Variants in SURF2 observed in about 807,000 individuals in gnomAD.
SURF2 encodes the protein surfeit 2.
In SURF2, 32 loss-of-function variants were observed where a neutral mutation model predicts 26.2. That is an observed-to-expected ratio of 1.22 (90% CI 0.92 to 1.64). The LOEUF is 1.64. Ranked by LOEUF, SURF2 falls within the 40% of genes most tolerant of loss-of-function variation. The pLI is 0.00. For synonymous variants in SURF2, 173 were observed against 139.1 expected, an observed-to-expected ratio of 1.24 and a Z score of -1.71; for missense variants, 415 against 341.6, an observed-to-expected ratio of 1.21 and a Z score of -1.69.
chr9:133,358,085 G>C (rs2130038321), intron 3 of SURF2, among the ~76,000 whole-genome samples: 2 of 152,296 alleles, frequency 1.3e-5, no homozygotes, highest in East Asian at 3.9e-4. Context: ...TGTGGGGTGG[G>C]CTTGCGGAGA....
In SURF2 at chr9:133,356,551, T is replaced by C. The variant is rs2130027788; in HGVS notation, c.-42T>C. 4.3e-5 allele frequency: 65 copies of C among 1,501,192 alleles called. 3 individuals are homozygous for C. In the South Asian group the frequency reaches 7.9e-4, roughly 18 times the overall value. The allele number at this position is 1,501,192 out of a possible 1,614,324, so 93.0% of individuals were successfully genotyped here. ...GAGCCCCGCCCCCGGCTCCAGGTTC[T>C]GCGAGCGGCTTCCGCCGGGCTGCTC... On this transcript the variant is annotated 5_prime_UTR_variant, in exon 1 of 6. Transcript: ENST00000371964.
intron 3 of SURF2, among the ~76,000 whole-genome samples, chr9:133,359,457 C>G (rs1836693473): frequency 6.6e-6 from 1 of 152,220 alleles, no homozygotes. Context: ...CCATGGAAGC[C>G]TTGTCCCAAC....
Position 133,356,949 on chromosome 9 carries a change from C to A in SURF2, c.114C>A (p.Cys38Ter). Residue 38 changes from cysteine (C) to a stop codon, truncating the protein, a stop_gained, in exon 2 of 6, where the codon TGC becomes TGA. Coordinates refer to ENST00000371964, the MANE Select transcript of SURF2 (RefSeq NM_017503.5). LOFTEE classifies it high-confidence loss of function. ...RCILTGHELPCRLPELQVYTR... is the reference protein window; with the variant it reads ...RCILTGHELP The stretch of plus-strand genomic sequence containing the variant: ...TCCTGACAGGTCACGAGCTGCCCTG[C>A]CGCCTGCCGGAGCTCCAGGTCTACA... The A allele has an allele frequency of 2.6e-6, 4 of 1,566,970 alleles. No individual in the cohort carries two copies. The highest frequency in any genetic ancestry group is 1.2e-5 in the South Asian group (1 of 85,400).
At chr9:133,360,809 T>C (rs1836753965) in intron 5 of SURF2, among the ~76,000 whole-genome samples, 1 of 152,226 alleles carries the variant, frequency 6.6e-6, no homozygotes, top group Non-Finnish European at 1.5e-5. Flanking sequence ...CTTTGGTAGA[T>C]AAGCAGGACC....
At position 133,359,951 on chromosome 9, in the gene SURF2, T is replaced by C. The variant is rs1402766730; in HGVS notation, c.339T>C (p.Tyr113=). Residue 113 remains tyrosine (Y), a splice_region_variant and synonymous_variant, in exon 4 of 6, where the codon TAT becomes TAC. Coordinates refer to ENST00000371964, the MANE Select transcript of SURF2 (RefSeq NM_017503.5). ...GRRYQRALCK[Y]EECQKQGVEY... is the part of the protein sequence containing the mutation. ...AGCACGTGCTGGCTTATCTCCCAGA[T>C]GAAGAATGTCAGAAGCAAGGGGTGG... 1 of 1,607,720 alleles carries C rather than the reference T, an allele frequency of 6.2e-7. No individual in the cohort carries two copies. The highest frequency in any genetic ancestry group is 2.2e-5 in the East Asian group (1 of 44,814).
At position 133,356,584 on chromosome 9, in the gene SURF2, G is replaced by C; in HGVS notation, c.-9G>C. The C allele has an allele frequency of 1.3e-6, 2 of 1,517,280 alleles. No individual in the cohort carries two copies. Among genetic ancestry groups the C allele is most frequent in the Non-Finnish European group, 1.8e-6 (2 of 1,139,968 alleles). The allele number at this position is 1,517,280 out of a possible 1,614,324, so 94.0% of individuals were successfully genotyped here. A position where few individuals can be genotyped will look rare whatever the true frequency, so the allele number is the denominator to read the frequency against. ...GCTTCCGCCGGGCTGCTCCGCGGGC[G>C]CGTCGGCCATGAGCGAGTTGCCGGG... On this transcript the variant is annotated 5_prime_UTR_variant, in exon 1 of 6. Coordinates refer to ENST00000371964, the MANE Select transcript of SURF2 (RefSeq NM_017503.5).
chr9:133,356,928 G>T lies in SURF2; in HGVS notation c.93G>T (p.Leu31=). Residue 31 remains leucine, a synonymous_variant, in exon 2 of 6, where the codon CTG becomes CTT. Coordinates refer to ENST00000371964, the MANE Select transcript of SURF2 (RefSeq NM_017503.5). ...QTDARKVRCI[L]TGHELPCRLP... is the part of the protein sequence containing the mutation. ...CGCGTCCGCAGGTGAGGTGCATCCT[G>T]ACAGGTCACGAGCTGCCCTGCCGCC... 1.3e-6 allele frequency: 2 copies of T among 1,562,252 alleles called. No homozygotes were observed. Among genetic ancestry groups the T allele is most frequent in the South Asian group, 2.4e-5 (2 of 85,018 alleles).
intron 3 of SURF2, among the ~76,000 whole-genome samples, chr9:133,358,037 C>T (rs1006766845): frequency 7.2e-5 from 11 of 151,988 alleles, no homozygotes; most frequent in Non-Finnish European, 1.5e-4. Flanking sequence ...AGTGAGTGTG[C>T]GTGGCAATGC....
At position 133,360,140 on chromosome 9, in the gene SURF2, C is replaced by T. The variant is rs2130048141; in HGVS notation, c.517+11C>T. The T allele has an allele frequency of 3.2e-5, 51 of 1,597,892 alleles. No individual in the cohort carries two copies. In the South Asian group the frequency reaches 4.3e-4, roughly 13 times the overall value. Reference sequence around the variant, plus strand: ...CAGACCTGTACCCACGTAAGCAGAACAGGCCCTGCTTCTCCCTGACCCTCT... The same window carrying T: ...CAGACCTGTACCCACGTAAGCAGAATAGGCCCTGCTTCTCCCTGACCCTCT... On this transcript the variant is annotated intron_variant, in intron 4 of 5. Coordinates refer to ENST00000371964, the MANE Select transcript of SURF2 (RefSeq NM_017503.5).
chr9:133,360,696 CTA>C (rs1336934030), intron 5 of SURF2, among the ~76,000 whole-genome samples: 1 of 152,242 alleles, frequency 6.6e-6, no homozygotes, highest in Non-Finnish European at 1.5e-5. Context: ...CTACCTCAGA[CTA>C]TGAGCTGTGG....
At chr9:133,359,089 G>C (rs1318654121) in intron 3 of SURF2, among the ~76,000 whole-genome samples, 2 of 152,182 alleles carry the variant, frequency 1.3e-5, no homozygotes, top group African/African-American at 4.8e-5. Flanking sequence ...TCTAAGTGCA[G>C]GGGGCCACGG....
intron 2 of SURF2, among the ~76,000 whole-genome samples, 193 bp from the exon 3 acceptor site, chr9:133,357,518 C>T (rs1198453346): frequency 1.3e-5 from 2 of 152,296 alleles, no homozygotes; most frequent in Non-Finnish European, 2.9e-5. Context: ...TTCCGGTAAA[C>T]ATTAAGAGGC....
Position 133,356,576 on chromosome 9 carries a change from C to A in SURF2, c.-17C>A, listed in dbSNP as rs1288354721. On this transcript the variant is annotated 5_prime_UTR_variant, in exon 1 of 6. Coordinates refer to ENST00000371964, the MANE Select transcript of SURF2 (RefSeq NM_017503.5). ...TGCGAGCGGCTTCCGCCGGGCTGCT[C>A]CGCGGGCGCGTCGGCCATGAGCGAG... 7 of 1,516,554 alleles carry A rather than the reference C, an allele frequency of 4.6e-6. No homozygotes were observed. The highest frequency in any genetic ancestry group is 6.1e-6 in the Non-Finnish European group (7 of 1,139,824). The allele number at this position is 1,516,554 out of a possible 1,614,324, so 93.9% of individuals were successfully genotyped here.
intron 3 of SURF2, among the ~76,000 whole-genome samples, chr9:133,358,549 G>A (rs1836671777): frequency 6.6e-6 from 1 of 152,186 alleles, no homozygotes; most frequent in Non-Finnish European, 1.5e-5. Flanking sequence ...GTGGATCTGG[G>A]TGAGCACCCG....
chr9:133,361,034 CAG>C lies in SURF2; in HGVS notation c.688-20_688-19del. The stretch of plus-strand genomic sequence containing the variant: ...CATGGGATCAGAAAGGCTCAGTAAT[CAG>C]AATTTTGTTTATCCCACAGAAGCAG... On this transcript the variant is annotated intron_variant, in intron 5 of 5. Transcript: ENST00000371964. 1 of 1,613,666 alleles carries C rather than the reference CAG, an allele frequency of 6.2e-7. No homozygotes were observed.
chr9:133,359,931 G>C lies in SURF2; in HGVS notation c.338-19G>C. ...TGGGGGGTGTGGAGGTACCCAGCAC[G>C]TGCTGGCTTATCTCCCAGATGAAGA... On this transcript the variant is annotated intron_variant, in intron 3 of 5. Coordinates refer to ENST00000371964, the MANE Select transcript of SURF2 (RefSeq NM_017503.5). The C allele has an allele frequency of 6.3e-7, 1 of 1,595,538 alleles. No individual in the cohort carries two copies. Among genetic ancestry groups the C allele is most frequent in the Non-Finnish European group, 8.6e-7 (1 of 1,169,532 alleles).
intron 2 of SURF2, 88 bp from the exon 3 acceptor site, chr9:133,357,623 A>C: frequency 7.9e-7 from 1 of 1,269,914 alleles, no homozygotes; most frequent in South Asian, 1.3e-5. Flanking sequence ...CGCATGGTAG[A>C]CTGTCCAGGG....
chr9:133,357,915 C>A, intron 3 of SURF2, 101 bp downstream of exon 3: 1 of 1,109,158 alleles, frequency 9.0e-7, no homozygotes, highest in Non-Finnish European at 1.3e-6. Flanking sequence ...TTCAGCGATC[C>A]GTGTTGATGC....
intron 3 of SURF2, among the ~76,000 whole-genome samples, chr9:133,358,136 C>T (rs587630499): frequency 6.6e-6 from 1 of 152,100 alleles, no homozygotes; most frequent in African/African-American, 2.4e-5. Context: ...TCGCTCGAGG[C>T]TGAGGCTGGA....
Sources: allele counts gnomAD v4.1 joint callset (sites outside exome capture counted in the v4.1 genomes callset), GRCh38; gene constraint gnomAD v4.1.1; transcripts MANE v1.5; gene names NCBI Gene and HGNC (gene_info 2026-07-23, HGNC 2026-07-21).